TMEM51: variants seen among roughly 807,000 people sequenced by gnomAD.
The protein encoded by TMEM51 is transmembrane protein 51, also known as chromosome 1 open reading frame 72.
A neutral mutation model predicts 13.6 loss-of-function variants in TMEM51; 8 were observed. That is an observed-to-expected ratio of 0.59 (90% CI 0.35 to 1.07). The LOEUF is 1.07. TMEM51 is among the 50% of genes least tolerant of loss of function. TMEM51 has a pLI of 0.02. For synonymous variants in TMEM51, 147 were observed against 144.4 expected, an observed-to-expected ratio of 1.02 and a Z score of -0.13; for missense variants, 279 against 330.7, an observed-to-expected ratio of 0.84 and a Z score of 1.21.
At chr1:15,168,685 A>C in intron 1 of TMEM51, 2 of 1,304,378 alleles carry the variant, frequency 1.5e-6, no homozygotes, top group Non-Finnish European at 2.0e-6. Context: ...GTAGCTTAGA[A>C]CACGCGTACT....
intron 1 of TMEM51, chr1:15,168,630 G>C: frequency 1.5e-6 from 2 of 1,304,432 alleles, no homozygotes; most frequent in Non-Finnish European, 2.0e-6. Flanking sequence ...CTTCAACCTT[G>C]CCTGTGTGTT....
chr1:15,158,480 C>T (rs187362705), intron 1 of TMEM51, among the ~76,000 whole-genome samples: 2 of 152,210 alleles, frequency 1.3e-5, no homozygotes, highest in African/African-American at 2.4e-5. Context: ...ATCCAAGTGC[C>T]GCCACCCCAC....
rs559788116 is a variant in TMEM51 at position 15,200,753 on chromosome 1, A to G, written c.-266-9737A>G. Among the ~76,000 whole-genome samples the G allele has an allele frequency of 3.3e-5, 5 of 152,220 alleles. No individual in the cohort carries two copies. In the South Asian group the frequency reaches 6.2e-4, roughly 19 times the overall value. ...TTTATGATTAAACATCTCAGCGTCA[A>G]TTATTTACAACACATCCAGATGAGT... is the stretch of plus-strand genomic sequence containing the variant. On this transcript the variant is annotated intron_variant, in intron 1 of 3. Transcript: ENST00000376008.
intron 1 of TMEM51, among the ~76,000 whole-genome samples, chr1:15,201,438 T>G (rs1421958507): frequency 6.6e-6 from 1 of 151,334 alleles, no homozygotes; most frequent in Non-Finnish European, 1.5e-5. Flanking sequence ...ATACATAAAA[T>G]TAATAGTAAT....
intron 2 of TMEM51, 46 bp from the exon 3 acceptor site, chr1:15,214,849 G>A (rs1380703635): frequency 3.8e-6 from 2 of 525,140 alleles, no homozygotes; most frequent in Non-Finnish European, 6.7e-6. Context: ...AAAGCGTCTG[G>A]AATCGGAACT....
chr1:15,219,730 G>A lies in TMEM51; in HGVS notation c.749G>A (p.Arg250Gln), dbSNP rs767537573. 20 of 1,612,762 alleles carry A rather than the reference G, an allele frequency of 1.2e-5. No individual in the cohort carries two copies. Among genetic ancestry groups the A allele is most frequent in the Admixed American group, 1.0e-4 (6 of 59,914 alleles). Residue 250 changes from arginine (R) to glutamine (Q), a missense_variant, in exon 4 of 4, where the codon CGG becomes CAG. By Grantham distance (43) the Arg-to-Gln change is conservative (BLOSUM62 1). Transcript: ENST00000376008. ...GTCCAGGAGAAGGCCCCCGACACCCGGCCGCCCGACTGAATGGCCCCACTT... is the reference window on the plus strand; with the variant it reads ...GTCCAGGAGAAGGCCCCCGACACCCAGCCGCCCGACTGAATGGCCCCACTT... ...DEVQEKAPDTRPPD is the reference protein window; with the variant it reads ...DEVQEKAPDTQPPD
At chr1:15,209,787 T>G (rs1050017330) in intron 1 of TMEM51, among the ~76,000 whole-genome samples, 20 of 152,204 alleles carry the variant, frequency 1.3e-4, no homozygotes, top group African/African-American at 4.8e-4. Context: ...ATCCCAGCAC[T>G]TTGGGAGGCC....
intron 1 of TMEM51, among the ~76,000 whole-genome samples, chr1:15,154,529 T>A (rs1188323552): frequency 6.6e-6 from 1 of 152,198 alleles, no homozygotes; most frequent in Non-Finnish European, 1.5e-5. Context: ...TCTGTGAAAC[T>A]GACATGACAA....
chr1:15,185,905 G>A (rs755444834), intron 1 of TMEM51, among the ~76,000 whole-genome samples: 11 of 152,120 alleles, frequency 7.2e-5, no homozygotes, highest in Non-Finnish European at 1.5e-4. Flanking sequence ...CCTTTTAAAC[G>A]TCCACAGAGA....
chr1:15,194,768 T>C (rs1644012319), intron 1 of TMEM51, among the ~76,000 whole-genome samples: 1 of 152,134 alleles, frequency 6.6e-6, no homozygotes, highest in Non-Finnish European at 1.5e-5. Context: ...TTTCCGTGGA[T>C]GATATTGCGT....
In TMEM51 at chr1:15,160,455, A is replaced by G. The variant is rs968009762; in HGVS notation, c.-267+6501A>G. ...CGCCCGGCCAATTTTTGTATTTTTA[A>G]TAGAGATAGGGTTTCACCATGTTGG... On this transcript the variant is annotated intron_variant, in intron 1 of 3. Transcript: ENST00000376008. Among the ~76,000 whole-genome samples, 320 of 151,156 alleles carry G rather than the reference A, an allele frequency of 2.1e-3. 3 individuals carry two copies. The highest frequency in any genetic ancestry group is 7.2e-3 in the African/African-American group (291 of 40,642).
chr1:15,177,892 C>T (rs1573398780), intron 1 of TMEM51, among the ~76,000 whole-genome samples: 1 of 152,160 alleles, frequency 6.6e-6, no homozygotes, highest in Non-Finnish European at 1.5e-5. Context: ...GCATGCCTAA[C>T]GTCACGCGAA....
At position 15,207,540 on chromosome 1, in the gene TMEM51, C is replaced by T. The variant is rs920592509; in HGVS notation, c.-266-2950C>T. Among the ~76,000 whole-genome samples, 5 of 152,306 alleles carry T rather than the reference C, an allele frequency of 3.3e-5. No individual in the cohort carries two copies. Among genetic ancestry groups the T allele is most frequent in the African/African-American group, 1.2e-4 (5 of 41,562 alleles). On this transcript the variant is annotated intron_variant, in intron 1 of 3. Transcript: ENST00000376008. The surrounding 1 kb of genome is among the most constrained non-coding windows in gnomAD (Gnocchi z 4.6). ...ATCCAGATGTGCCTGGCTGTGATGG[C>T]CCCACTCAGGTCTCAGCCACTCTGA...
At chr1:15,216,310 C>T (rs10927731) in intron 3 of TMEM51, among the ~76,000 whole-genome samples, 21,679 of 151,892 alleles carry the variant, frequency 0.14, 1,757 homozygotes, top group East Asian at 0.3. Context: ...GTTGATATCC[C>T]TATTATAAAA....
intron 1 of TMEM51, among the ~76,000 whole-genome samples, chr1:15,158,583 T>C (rs141649100): frequency 7.6e-4 from 116 of 152,298 alleles, no homozygotes; most frequent in African/African-American, 2.7e-3. Flanking sequence ...GGCATGCTCA[T>C]CTCCAAACCC....
intron 1 of TMEM51, among the ~76,000 whole-genome samples, chr1:15,166,090 G>A (rs1308417994): frequency 2.6e-5 from 4 of 152,122 alleles, no homozygotes; most frequent in African/African-American, 4.8e-5. Flanking sequence ...GGGGGGTTTC[G>A]ATATTCTTTC....
intron 3 of TMEM51, among the ~76,000 whole-genome samples, chr1:15,216,681 A>G (rs974405499): frequency 2.0e-5 from 3 of 152,222 alleles, no homozygotes; most frequent in African/African-American, 7.2e-5. Flanking sequence ...TTATCAGATC[A>G]TTGTTTAGGA....
At chr1:15,152,969 G>A (rs1426062875), upstream of TMEM51, among the ~76,000 whole-genome samples, 1 of 152,222 alleles carries the variant, frequency 6.6e-6, no homozygotes, top group East Asian at 1.9e-4. Context: ...CCTCAGCAGG[G>A]CAGGCTCCCG....
In TMEM51 at chr1:15,154,244, G is replaced by C. The variant is rs192778310; in HGVS notation, c.-267+290G>C. On this transcript the variant is annotated intron_variant, in intron 1 of 3. Transcript: ENST00000376008. The stretch of plus-strand genomic sequence containing the variant: ...GGGGGCCCCCTGTTGGCGGGAACAG[G>C]TGCTATCCGCCCGGCGGGCTTCGAA... Among the ~76,000 whole-genome samples, 426 of 152,362 alleles carry C rather than the reference G, an allele frequency of 2.8e-3. 4 individuals are homozygous for C. The highest frequency in any genetic ancestry group is 9.8e-3 in the African/African-American group (407 of 41,598).
Sources: gnomAD v4.1 joint callset for allele counts (sites outside exome capture counted in the v4.1 genomes callset) on GRCh38, gnomAD v4.1.1 for gene constraint, Gnocchi (gnomAD v3.1) non-coding constraint, MANE v1.5 for transcripts, NCBI Gene and HGNC (gene_info 2026-07-23, HGNC 2026-07-21) for gene names.